Variants in RAB3C observed in about 807,000 individuals in gnomAD.
RAB3C encodes RAB3C, member RAS oncogene family, also known as ras-related protein Rab-3C.
Under a neutral mutation model 26.4 loss-of-function variants are expected in RAB3C, and 17 were observed. The ratio of observed to expected loss-of-function variants is 0.64; its 90% CI spans 0.44 to 0.97. RAB3C has a LOEUF of 0.97. RAB3C is among the 50% of genes least tolerant of loss of function. RAB3C has a pLI of 0.00. For missense variants in RAB3C, 242 were observed against 281.9 expected (o/e 0.86, Z 1.01); for synonymous variants, 91 against 95.9 (o/e 0.95, Z 0.30).
At position 58,590,555 on chromosome 5, in the gene RAB3C, A is replaced by ATTTC. The variant is rs1746106870; in HGVS notation, c.24+7326_24+7327insCTTT. ...CACTTATTTATTTATTTATTTATTT[A>ATTTC]TTTTGAAGGCAGAGTCTCACTCTGT... On this transcript the variant is annotated intron_variant, in intron 1 of 4. Transcript: ENST00000282878. 3.3e-5 allele frequency among the ~76,000 whole-genome samples: 5 copies of ATTTC among 151,882 alleles called. No individual in the cohort carries two copies. In the South Asian group the frequency reaches 8.3e-4, roughly 25 times the overall value.
At chr5:58,693,812 A>G (rs1221837178) in intron 2 of RAB3C, among the ~76,000 whole-genome samples, 3 of 152,212 alleles carry the variant, frequency 2.0e-5, no homozygotes, top group Non-Finnish European at 4.4e-5. Context: ...TAGTCTATGC[A>G]GGGAGAGCCC....
At chr5:58,645,605 A>T (rs1162556531) in intron 2 of RAB3C, among the ~76,000 whole-genome samples, 3 of 152,232 alleles carry the variant, frequency 2.0e-5, no homozygotes, top group Non-Finnish European at 4.4e-5. Context: ...GCCTTTTCAA[A>T]ATCAGACAAG....
At chr5:58,791,550 G>A (rs1404016156) in intron 3 of RAB3C, among the ~76,000 whole-genome samples, 3 of 152,128 alleles carry the variant, frequency 2.0e-5, no homozygotes, top group Non-Finnish European at 4.4e-5. Context: ...TAGTTAAGAG[G>A]AGATATAAAA....
chr5:58,650,518 A>C (rs1747621671), intron 2 of RAB3C, among the ~76,000 whole-genome samples: 2 of 152,228 alleles, frequency 1.3e-5, no homozygotes, highest in Non-Finnish European at 2.9e-5. Flanking sequence ...CTGGTTGAAT[A>C]AGGAGAACCC....
chr5:58,817,753 T>G (rs970573752), intron 3 of RAB3C, among the ~76,000 whole-genome samples: 1 of 152,096 alleles, frequency 6.6e-6, no homozygotes, highest in South Asian at 2.1e-4. Context: ...TGTTTCTGAA[T>G]TGGGCTAATT....
At chr5:58,797,924 T>C (rs1742712641) in intron 3 of RAB3C, among the ~76,000 whole-genome samples, 1 of 152,188 alleles carries the variant, frequency 6.6e-6, no homozygotes, top group South Asian at 2.1e-4. Context: ...ATTAGCATTA[T>C]AAATAATAGA....
In RAB3C at chr5:58,851,320, C is replaced by T; in HGVS notation, c.653C>T (p.Pro218Leu). 6.2e-7 allele frequency: 1 copy of T among 1,610,074 alleles called. No homozygotes were observed. Among genetic ancestry groups the T allele is most frequent in the Non-Finnish European group, 8.5e-7 (1 of 1,178,530 alleles). The change falls in exon 5 of 5, where the codon CCT becomes CTT. Residue 218 changes from proline (P) to leucine (L), a missense_variant. Coordinates refer to ENST00000282878, the MANE Select transcript of RAB3C (RefSeq NM_138453.4). ...AKQNTRLKET[P>L]PPPQPNCAC Reference sequence around the variant, plus strand: ...CAGAACACGAGACTCAAGGAAACTCCTCCTCCACCGCAGCCCAACTGTGCC... The same window carrying T: ...CAGAACACGAGACTCAAGGAAACTCTTCCTCCACCGCAGCCCAACTGTGCC...
chr5:58,852,088 C>A lies in RAB3C; in HGVS notation c.*737C>A, dbSNP rs1045320068. ...ACCCAGGACTGCTTTTTCCACTGATCCTTCCCAATTCTGTGAATATTCAAC... is the reference window on the plus strand; with the variant it reads ...ACCCAGGACTGCTTTTTCCACTGATACTTCCCAATTCTGTGAATATTCAAC... On this transcript the variant is annotated 3_prime_UTR_variant, in exon 5 of 5. Transcript: ENST00000282878. 1 of 152,182 alleles carries A rather than the reference C, an allele frequency of 6.6e-6. No homozygotes were observed. The highest frequency in any genetic ancestry group is 1.5e-5 in the Non-Finnish European group (1 of 68,024). The allele number at this position is 152,182 out of a possible 1,614,324, so 9.4% of individuals were successfully genotyped here.
chr5:58,686,104 A>G (rs1406903350), intron 2 of RAB3C, among the ~76,000 whole-genome samples: 3 of 152,196 alleles, frequency 2.0e-5, no homozygotes, highest in African/African-American at 7.2e-5. Flanking sequence ...GCTTTAATCC[A>G]GGTGATAAGT....
intron 2 of RAB3C, among the ~76,000 whole-genome samples, chr5:58,658,774 C>G (rs571045888): frequency 8.5e-5 from 13 of 152,066 alleles, no homozygotes; most frequent in Non-Finnish European, 1.8e-4. Flanking sequence ...GGCAGTGGAG[C>G]AATAAGGCAA....
intron 2 of RAB3C, among the ~76,000 whole-genome samples, chr5:58,619,280 G>A (rs1746885396): frequency 6.6e-6 from 1 of 152,036 alleles, no homozygotes; most frequent in Admixed American, 6.6e-5. Context: ...ATTTTTATTG[G>A]GAGTGTTCCT....
intron 1 of RAB3C, among the ~76,000 whole-genome samples, chr5:58,596,817 T>G (rs1307880521): frequency 1.1e-5 from 1 of 94,206 alleles, no homozygotes; most frequent in Non-Finnish European, 1.8e-5. Context: ...ATATAATACA[T>G]AATATATTAT....
rs1744275773 is a variant in RAB3C, at chr5:58,857,023, A to G, written c.*5672A>G. 6.6e-6 allele frequency: 1 copy of G among 152,226 alleles called. No individual in the cohort carries two copies. Among genetic ancestry groups the G allele is most frequent in the Non-Finnish European group, 1.5e-5 (1 of 68,032 alleles). 9.4% of individuals were successfully genotyped at this position (152,226 alleles called of 1,614,324 possible). A position where few individuals can be genotyped will look rare whatever the true frequency, so the allele number is the denominator to read the frequency against. ...AGAACTGATATGTCTTAAATGTTGCATGAAATATGTTATAAAAATAGATTT... is the reference window on the plus strand; with the variant it reads ...AGAACTGATATGTCTTAAATGTTGCGTGAAATATGTTATAAAAATAGATTT... On this transcript the variant is annotated 3_prime_UTR_variant, in exon 5 of 5. Transcript: ENST00000282878.
chr5:58,788,816 C>T (rs2112011286), intron 3 of RAB3C, among the ~76,000 whole-genome samples: 1 of 152,258 alleles, frequency 6.6e-6, no homozygotes, highest in Non-Finnish European at 1.5e-5. Context: ...GCAATATTTG[C>T]TACAGAAATC....
chr5:58,796,053 T>C (rs1489346453), intron 3 of RAB3C, among the ~76,000 whole-genome samples: 1 of 152,192 alleles, frequency 6.6e-6, no homozygotes, highest in East Asian at 1.9e-4. Context: ...GGTTCACTGA[T>C]ATCATAGCTT....
intron 2 of RAB3C, among the ~76,000 whole-genome samples, chr5:58,687,323 C>T (rs1320853350): frequency 6.6e-6 from 1 of 152,102 alleles, no homozygotes; most frequent in African/African-American, 2.4e-5. Context: ...GTTTTATTTG[C>T]TATTTCTAGT....
intron 2 of RAB3C, among the ~76,000 whole-genome samples, chr5:58,671,907 C>T (rs748939257): frequency 7.2e-5 from 11 of 151,960 alleles, no homozygotes; most frequent in Non-Finnish European, 1.6e-4. Flanking sequence ...AATTAAAATA[C>T]ACGTAAACAA....
At chr5:58,769,085 G>A (rs569729599) in intron 3 of RAB3C, among the ~76,000 whole-genome samples, 13 of 151,032 alleles carry the variant, frequency 8.6e-5, no homozygotes, top group Non-Finnish European at 1.6e-4. Flanking sequence ...TGACAGGGGA[G>A]ACCAAGAAGA....
rs1744331048 is a variant in RAB3C at position 58,859,281 on chromosome 5, T to C, written c.*7930T>C. ...TTAATTGTGTAAAAATGGTATGTGC[T>C]CTATTAGGTATTCAGTTTGTATGTG... On this transcript the variant is annotated 3_prime_UTR_variant, in exon 5 of 5. Transcript: ENST00000282878. 4 of 152,250 alleles carry C rather than the reference T, an allele frequency of 2.6e-5. No homozygotes were observed. The highest frequency in any genetic ancestry group is 2.0e-4 in the Admixed American group (3 of 15,284). The allele number at this position is 152,250 out of a possible 1,614,324, so 9.4% of individuals were successfully genotyped here.
Sources: allele counts gnomAD v4.1 joint callset (sites outside exome capture counted in the v4.1 genomes callset), GRCh38; gene constraint gnomAD v4.1.1; transcripts MANE v1.5; gene names NCBI Gene and HGNC (gene_info 2026-07-23, HGNC 2026-07-21).